Variants in NCALD observed in about 807,000 individuals in gnomAD.
NCALD encodes neurocalcin-delta.
A neutral mutation model predicts 18.6 loss-of-function variants in NCALD; 10 were observed. The ratio of observed to expected loss-of-function variants is 0.54; its 90% confidence interval spans 0.33 to 0.91. NCALD has a LOEUF of 0.91. NCALD is among the 40% of genes least tolerant of loss of function. The pLI is 0.03. For synonymous variants in NCALD, 88 were observed against 87.4 expected (o/e 1.01, Z -0.04); for missense variants, 184 against 247.6 (o/e 0.74, Z 1.72).
chr8:101,830,931 G>A (rs1176691614), intron 4 of NCALD, among the ~76,000 whole-genome samples: 2 of 151,912 alleles, frequency 1.3e-5, no homozygotes, highest in African/African-American at 4.8e-5. Context: ...GTCACATGCT[G>A]AGTGAAGGGC....
At chr8:101,888,433 C>T (rs78382349) in intron 3 of NCALD, among the ~76,000 whole-genome samples, 6,371 of 151,746 alleles carry the variant, frequency 0.042, 374 homozygotes, top group African/African-American at 0.12. Context: ...TTGCAGAGTT[C>T]GGGAGACAGA....
intron 4 of NCALD, among the ~76,000 whole-genome samples, chr8:101,844,503 A>G (rs1031367770): frequency 6.6e-6 from 1 of 151,904 alleles, no homozygotes; most frequent in Non-Finnish European, 1.5e-5. Context: ...GAGATTACAC[A>G]CACACACCAT....
At chr8:101,846,279 T>C (rs1441657716) in intron 4 of NCALD, among the ~76,000 whole-genome samples, 3 of 152,240 alleles carry the variant, frequency 2.0e-5, no homozygotes, top group African/African-American at 7.2e-5. Context: ...TGCCTATTTA[T>C]ATTCCCACTA....
intron 1 of NCALD, among the ~76,000 whole-genome samples, chr8:102,042,738 G>A (rs1237962408): frequency 1.4e-5 from 2 of 147,630 alleles, no homozygotes; most frequent in Non-Finnish European, 3.0e-5. Flanking sequence ...TATCTGCATC[G>A]CAGAAGCTAG....
chr8:101,877,803 G>A (rs1015048285), intron 4 of NCALD, among the ~76,000 whole-genome samples: 3 of 152,082 alleles, frequency 2.0e-5, no homozygotes, highest in African/African-American at 7.2e-5. Flanking sequence ...TTAGAGCAGT[G>A]CCTCCCTCTG....
chr8:101,803,872 T>A (rs1186390211), intron 4 of NCALD, among the ~76,000 whole-genome samples: 1 of 152,124 alleles, frequency 6.6e-6, no homozygotes, highest in Non-Finnish European at 1.5e-5. Context: ...AGCAGTAAGG[T>A]TTGAGAGGAT....
At chr8:102,094,934 G>A (rs1029111065) in intron 1 of NCALD, among the ~76,000 whole-genome samples, 1 of 152,204 alleles carries the variant, frequency 6.6e-6, no homozygotes, top group African/African-American at 2.4e-5. Flanking sequence ...TAGAGCCATT[G>A]GAGGGAACAG....
chr8:102,041,424 A>G (rs983254756), intron 1 of NCALD, among the ~76,000 whole-genome samples: 4 of 152,246 alleles, frequency 2.6e-5, no homozygotes, highest in African/African-American at 9.6e-5. Flanking sequence ...TGAAGCCCAA[A>G]TGCCTGCAGG....
At chr8:101,928,865 T>C (rs147943078) in intron 2 of NCALD, among the ~76,000 whole-genome samples, 14 of 152,222 alleles carry the variant, frequency 9.2e-5, no homozygotes, top group East Asian at 1.9e-4. Flanking sequence ...GTCAACAGTA[T>C]TAGATACAAA....
intron 1 of NCALD, among the ~76,000 whole-genome samples, chr8:102,035,705 G>T (rs1433868508): frequency 6.6e-6 from 1 of 152,082 alleles, no homozygotes; most frequent in Non-Finnish European, 1.5e-5. Context: ...TGAACCAAAA[G>T]ATTCTCTCCC....
At chr8:101,914,194 T>C (rs1480280773) in intron 3 of NCALD, among the ~76,000 whole-genome samples, 1 of 152,222 alleles carries the variant, frequency 6.6e-6, no homozygotes, top group Non-Finnish European at 1.5e-5. Flanking sequence ...AGACTTGAGT[T>C]GTTTCTGATG....
At chr8:101,860,441 A>G (rs1238842320) in intron 4 of NCALD, among the ~76,000 whole-genome samples, 1 of 152,194 alleles carries the variant, frequency 6.6e-6, no homozygotes, top group African/African-American at 2.4e-5. Context: ...AGAGTTCCAT[A>G]AAGACAGCTC....
At chr8:101,787,724 G>A (rs903818060) in intron 1 of NCALD, among the ~76,000 whole-genome samples, 4 of 152,126 alleles carry the variant, frequency 2.6e-5, no homozygotes, top group Admixed American at 6.5e-5. Flanking sequence ...CTTGGGAAGT[G>A]TCTCCACTTC....
At chr8:101,917,089 T>C (rs971535718) in intron 2 of NCALD, among the ~76,000 whole-genome samples, 2 of 152,108 alleles carry the variant, frequency 1.3e-5, no homozygotes, top group African/African-American at 4.8e-5. Context: ...ATTAACCACA[T>C]GCTCAACTGT....
rs574132850 is a variant in NCALD, at chr8:101,802,103, G to A, written c.-19-82455C>T. Among the ~76,000 whole-genome samples the A allele has an allele frequency of 5.3e-5, 8 of 152,234 alleles. No individual in the cohort carries two copies. The South Asian group carries it at 1.7e-3, about 32-fold the overall frequency. On this transcript the variant is annotated intron_variant, in intron 4 of 6. Coordinates refer to the NCALD transcript ENST00000311028. ...CTCCAACAGCATGAGCTCAAATCAT[G>A]TCTCTGTGTCACATCTGGGTAATTC...
chr8:101,688,506 A>C lies in NCALD; in HGVS notation c.*803T>G. 5.6e-6 allele frequency: 2 copies of C among 356,908 alleles called. No individual in the cohort carries two copies. The highest frequency in any genetic ancestry group is 1.1e-5 in the Non-Finnish European group (2 of 180,778). 22.1% of individuals were successfully genotyped at this position (356,908 alleles called of 1,614,324 possible). A position where few individuals can be genotyped will look rare whatever the true frequency, so the allele number is the denominator to read the frequency against. On this transcript the variant is annotated 3_prime_UTR_variant, in exon 4 of 4. Coordinates refer to ENST00000220931, the MANE Select transcript of NCALD (RefSeq NM_032041.3). Reference sequence around the variant, plus strand: ...GAATAAGATTGTATTAGTGCTCACTAAACATGCATTTCATTTAAACAAGGC... The same window carrying C: ...GAATAAGATTGTATTAGTGCTCACTCAACATGCATTTCATTTAAACAAGGC...
rs148256756 is a variant in NCALD at position 101,787,817 on chromosome 8, C to T, written c.-20+3045G>A. On this transcript the variant is annotated intron_variant, in intron 1 of 3. Transcript: ENST00000220931. ...CTCTCTCTTGAGTATCTGGAATTAA[C>T]ATGACAATTGATCAATTCACACGTG... Among the ~76,000 whole-genome samples the T allele has an allele frequency of 3.2e-4, 49 of 152,294 alleles. No individual in the cohort carries two copies. In the East Asian group the frequency reaches 8.3e-3, roughly 26 times the overall value.
chr8:102,109,993 C>CT (rs1435099942), intron 1 of NCALD, among the ~76,000 whole-genome samples: 1 of 152,090 alleles, frequency 6.6e-6, no homozygotes, highest in Non-Finnish European at 1.5e-5. Context: ...AACATTTTAT[C>CT]TTTTATTCTG....
intron 3 of NCALD, chr8:101,690,789 T>G (rs1814691246): frequency 1.0e-6 from 1 of 985,292 alleles, no homozygotes; most frequent in African/African-American, 1.7e-5. Context: ...ACATAGTAGT[T>G]ACAATGGTAA....
Sources: allele counts gnomAD v4.1 joint callset (sites outside exome capture counted in the v4.1 genomes callset), GRCh38; gene constraint gnomAD v4.1.1; transcripts MANE v1.5; gene names NCBI Gene and HGNC (gene_info 2026-07-23, HGNC 2026-07-21).